TAFA4: variants seen among roughly 807,000 people sequenced by gnomAD.
TAFA4 encodes the protein chemokine-like protein TAFA-4.
Under a neutral mutation model 21.1 loss-of-function variants are expected in TAFA4, and 20 were observed. The ratio of observed to expected loss-of-function variants is 0.95; its 90% CI spans 0.67 to 1.38. The LOEUF is 1.38. Among genes scored for constraint, TAFA4 ranks in the 40% most tolerant of loss-of-function variants. The pLI is 0.00. For missense variants in TAFA4, 211 were observed against 180.9 expected, an observed-to-expected ratio of 1.17 and a Z score of -0.95; for synonymous variants, 71 against 67.4, an observed-to-expected ratio of 1.05 and a Z score of -0.26.
At chr3:68,914,836 C>T (rs1213769033) in intron 1 of TAFA4, among the ~76,000 whole-genome samples, 1 of 152,082 alleles carries the variant, frequency 6.6e-6, no homozygotes, top group Non-Finnish European at 1.5e-5. Context: ...AACTGAGAAT[C>T]GTGTTGACCT....
chr3:68,804,415 C>T (rs1248617129), intron 3 of TAFA4, among the ~76,000 whole-genome samples: 1 of 152,156 alleles, frequency 6.6e-6, no homozygotes, highest in Non-Finnish European at 1.5e-5. Flanking sequence ...CATCAAGCTA[C>T]CAATGACTTT....
At chr3:68,842,907 T>C (rs1383689857) in intron 3 of TAFA4, among the ~76,000 whole-genome samples, 5 of 152,196 alleles carry the variant, frequency 3.3e-5, no homozygotes, top group Admixed American at 6.5e-5. Flanking sequence ...TCTGCTTTGG[T>C]ACCATTACCA....
intron 3 of TAFA4, among the ~76,000 whole-genome samples, chr3:68,805,713 C>A (rs1304864894): frequency 2.6e-5 from 4 of 151,860 alleles, no homozygotes; most frequent in Non-Finnish European, 5.9e-5. Context: ...GGACAAAAAA[C>A]CAAACACCGC....
chr3:68,760,399 T>TG (rs1404817338), intron 3 of TAFA4, among the ~76,000 whole-genome samples: 1 of 152,210 alleles, frequency 6.6e-6, no homozygotes, highest in Non-Finnish European at 1.5e-5. Context: ...GTTCTTCAGC[T>TG]GAAACTACTT....
chr3:68,786,918 A>G (rs1163701139), intron 3 of TAFA4, among the ~76,000 whole-genome samples: 1 of 152,248 alleles, frequency 6.6e-6, no homozygotes, highest in Non-Finnish European at 1.5e-5. Context: ...GTATTTGTGG[A>G]AGAAGGTTTT....
chr3:68,753,352 T>TG (rs1702596797), intron 3 of TAFA4, among the ~76,000 whole-genome samples: 5 of 150,502 alleles, frequency 3.3e-5, no homozygotes, highest in East Asian at 3.9e-4. Flanking sequence ...TTTTTTTTTT[T>TG]TGAGAGAGAA....
chr3:68,733,242 G>A, intron 5 of TAFA4, 89 bp from the exon 6 acceptor site: 1 of 1,493,864 alleles, frequency 6.7e-7, no homozygotes, highest in Admixed American at 1.9e-5. Flanking sequence ...GGTCCTGACT[G>A]TGAATACTTT....
At chr3:68,802,314 T>C (rs1007448558) in intron 3 of TAFA4, among the ~76,000 whole-genome samples, 5 of 152,178 alleles carry the variant, frequency 3.3e-5, no homozygotes, top group Non-Finnish European at 7.3e-5. Flanking sequence ...AGCATTCTAA[T>C]TCAAGTATCC....
chr3:68,870,399 G>A lies in TAFA4; in HGVS notation c.130+10331C>T, dbSNP rs561534969. ...AGACCCAAAATAACCAAAACAATCC[G>A]AACTGGACAAAAAGAACAAAGCTGG... is the stretch of plus-strand genomic sequence containing the variant. On this transcript the variant is annotated intron_variant, in intron 3 of 5. Transcript: ENST00000295569. Among the ~76,000 whole-genome samples, 44 of 151,860 alleles carry A rather than the reference G, an allele frequency of 2.9e-4. 1 individual carries two copies. Among genetic ancestry groups the A allele is most frequent in the East Asian group, 1.2e-3 (6 of 5,158 alleles).
rs545671201 is a variant in TAFA4 at position 68,741,566 on chromosome 3, A to G, written c.287-2367T>C. Among the ~76,000 whole-genome samples the G allele has an allele frequency of 6.8e-4, 104 of 152,184 alleles. 1 individual carries two copies. Among genetic ancestry groups the G allele is most frequent in the Admixed American group, 1.9e-3 (29 of 15,278 alleles). ...TCCCAGCACTTTGGGAGGTCCAGGCAGGCAGATCATGAGGTCAGGAGATCG... is the reference window on the plus strand; with the variant it reads ...TCCCAGCACTTTGGGAGGTCCAGGCGGGCAGATCATGAGGTCAGGAGATCG... On this transcript the variant is annotated intron_variant, in intron 4 of 5. Transcript: ENST00000295569.
chr3:68,754,442 G>A (rs1021018468), intron 3 of TAFA4, among the ~76,000 whole-genome samples: 12 of 152,040 alleles, frequency 7.9e-5, no homozygotes, highest in Non-Finnish European at 1.8e-4. Context: ...CCCTCAGCTT[G>A]GATTTGTGTG....
rs568898446 is a variant in TAFA4 at position 68,741,162 on chromosome 3, T to C, written c.287-1963A>G. The stretch of plus-strand genomic sequence containing the variant: ...TGGTTCTATATGAATTTTAGGACTG[T>C]TTTTCTATCTTTGTGGAAAATGCCA... On this transcript the variant is annotated intron_variant, in intron 4 of 5. Transcript: ENST00000295569. Among the ~76,000 whole-genome samples the C allele has an allele frequency of 7.4e-4, 113 of 152,326 alleles. 1 individual carries two copies. Among genetic ancestry groups the C allele is most frequent in the African/African-American group, 2.6e-3 (108 of 41,574 alleles).
At chr3:68,888,513 A>C (rs1036431199) in intron 1 of TAFA4, among the ~76,000 whole-genome samples, 1 of 152,100 alleles carries the variant, frequency 6.6e-6, no homozygotes, top group Admixed American at 6.6e-5. Context: ...CCACATTTTC[A>C]AGTATTTGTT....
chr3:68,752,881 G>A lies in TAFA4; in HGVS notation c.268C>T (p.Gln90Ter), dbSNP rs1206848332. 6.2e-7 allele frequency: 1 copy of A among 1,614,036 alleles called. No individual in the cohort carries two copies. Among genetic ancestry groups the A allele is most frequent in the Non-Finnish European group, 8.5e-7 (1 of 1,180,018 alleles). ...PGQVAGTTRA[Q>*]PSCVEASIVI... ...GTCTTACCTTCAACACAAGAAGGTT[G>A]AGCCCGAGTTGTGCCCGCCACCTGT... The change falls in exon 4 of 6, where the codon CAA becomes TAA. Residue 90 changes from glutamine to a stop codon, truncating the protein, a stop_gained. Coordinates refer to ENST00000295569, the MANE Select transcript of TAFA4 (RefSeq NM_182522.5). LOFTEE classifies it high-confidence loss of function.
At chr3:68,805,122 C>A (rs1317884776) in intron 3 of TAFA4, among the ~76,000 whole-genome samples, 1 of 152,120 alleles carries the variant, frequency 6.6e-6, no homozygotes, top group Non-Finnish European at 1.5e-5. Flanking sequence ...AAACAAACAA[C>A]CCCATCAAAA....
chr3:68,880,056 AAC>A (rs34023286), intron 3 of TAFA4, among the ~76,000 whole-genome samples: 95,636 of 149,754 alleles, frequency 0.64, 30,737 homozygotes, highest in South Asian at 0.79. Context: ...AAAGGACAGA[AAC>A]ACACACACAC....
intron 3 of TAFA4, among the ~76,000 whole-genome samples, chr3:68,822,063 A>G (rs1575624883): frequency 6.6e-6 from 1 of 152,174 alleles, no homozygotes; most frequent in South Asian, 2.1e-4. Flanking sequence ...GCAGGTGTGG[A>G]CAGCTGTGAA....
At chr3:68,906,040 A>G (rs1431386242) in intron 1 of TAFA4, among the ~76,000 whole-genome samples, 1 of 152,244 alleles carries the variant, frequency 6.6e-6, no homozygotes. Context: ...AGTAAACAAT[A>G]AAGTAAATTC....
chr3:68,783,769 AAG>A lies in TAFA4; in HGVS notation c.131-30753_131-30752del, dbSNP rs1328809831. Among the ~76,000 whole-genome samples, 12 of 145,396 alleles carry A rather than the reference AAG, an allele frequency of 8.3e-5. No individual in the cohort carries two copies. The South Asian group carries it at 8.8e-4, about 11-fold the overall frequency. On this transcript the variant is annotated intron_variant, in intron 3 of 5. Transcript: ENST00000295569. Reference sequence around the variant, plus strand: ...AGTAAGAAAGAAAGAAACAAAAACAAAGAAACAAAGAAAAAGAGATGGACTGA... The same window carrying A: ...AGTAAGAAAGAAAGAAACAAAAACAAAAACAAAGAAAAAGAGATGGACTGA...
Sources: allele counts gnomAD v4.1 joint callset (sites outside exome capture counted in the v4.1 genomes callset), GRCh38; gene constraint gnomAD v4.1.1; transcripts MANE v1.5; gene names NCBI Gene and HGNC (gene_info 2026-07-23, HGNC 2026-07-21).